The following SEPTIN10 variants were observed in gnomAD, a reference collection of about 807,000 sequenced individuals.
The protein encoded by SEPTIN10 is septin 10, also known as septin-10.
Under a neutral mutation model 54.8 loss-of-function variants are expected in SEPTIN10, and 66 were observed. The ratio of observed to expected loss-of-function variants is 1.21; its 90% CI spans 0.99 to 1.48. The LOEUF (loss-of-function observed/expected upper bound fraction) is 1.48. Among genes scored for constraint, SEPTIN10 ranks in the 40% most tolerant of loss-of-function variants. SEPTIN10 has a pLI of 0.00. For synonymous variants in SEPTIN10, 161 were observed against 181.0 expected (o/e 0.89, Z 0.89); for missense variants, 620 against 545.6 (o/e 1.14, Z -1.36).
intron 1 of SEPTIN10, among the ~76,000 whole-genome samples, chr2:109,603,436 T>A (rs1697118682): frequency 6.6e-6 from 1 of 152,062 alleles, no homozygotes; most frequent in Non-Finnish European, 1.5e-5. Context: ...AGATGGGGTT[T>A]CACCCTGTTA....
chr2:109,549,354 T>C (rs1237189380), intron 9 of SEPTIN10, among the ~76,000 whole-genome samples: 1 of 152,212 alleles, frequency 6.6e-6, no homozygotes, highest in Non-Finnish European at 1.5e-5. Context: ...CAGCACTTTA[T>C]ACATCATTCA....
At chr2:109,559,416 C>A (rs1317899855) in intron 8 of SEPTIN10, among the ~76,000 whole-genome samples, 6 of 152,130 alleles carry the variant, frequency 3.9e-5, no homozygotes, top group Non-Finnish European at 7.4e-5. Context: ...CCTAAACTTA[C>A]TGAGTTTCTT....
chr2:109,595,241 G>C (rs1346332230), intron 1 of SEPTIN10, among the ~76,000 whole-genome samples: 1 of 152,192 alleles, frequency 6.6e-6, no homozygotes, highest in Non-Finnish European at 1.5e-5. Flanking sequence ...TTGTCAGTTG[G>C]AAGATGCTCC....
rs1680509418 is a variant in SEPTIN10 at position 109,543,883 on chromosome 2, G to A, written c.*426C>T. 2.6e-6 allele frequency: 1 copy of A among 391,458 alleles called. No homozygotes were observed. Among genetic ancestry groups the A allele is most frequent in the East Asian group, 4.7e-5 (1 of 21,118 alleles). The allele number at this position is 391,458 out of a possible 1,614,324, so 24.2% of individuals were successfully genotyped here. On this transcript the variant is annotated 3_prime_UTR_variant, in exon 11 of 11. Coordinates refer to ENST00000397712, the MANE Select transcript of SEPTIN10 (RefSeq NM_144710.5). ...TTTGGAATATCTGCATATACACAAC[G>A]GGACCCGACTCTAATTACATAATTC...
intron 1 of SEPTIN10, among the ~76,000 whole-genome samples, chr2:109,597,326 G>A (rs1036844022): frequency 2.0e-5 from 3 of 152,222 alleles, no homozygotes; most frequent in Admixed American, 6.5e-5. Context: ...AGAGCTCTGT[G>A]TAGGGCTAAG....
chr2:109,610,645 G>A (rs1298134132), intron 1 of SEPTIN10, among the ~76,000 whole-genome samples: 1 of 152,142 alleles, frequency 6.6e-6, no homozygotes, highest in African/African-American at 2.4e-5. Context: ...GAACCAGGGA[G>A]GTGGAGGCTG....
At chr2:109,572,132 CT>C (rs529763068) in intron 5 of SEPTIN10, among the ~76,000 whole-genome samples, 39 of 151,316 alleles carry the variant, frequency 2.6e-4, no homozygotes, top group East Asian at 1.4e-3. Context: ...CTCCCCACCT[CT>C]TTTTTTTTGT....
At chr2:109,588,305 G>A (rs1693061221) in intron 2 of SEPTIN10, among the ~76,000 whole-genome samples, 1 of 152,134 alleles carries the variant, frequency 6.6e-6, no homozygotes, top group South Asian at 2.1e-4. Flanking sequence ...AAGATCATCA[G>A]AAAGGTAAAT....
intron 1 of SEPTIN10, among the ~76,000 whole-genome samples, chr2:109,607,098 C>T (rs1249261322): frequency 6.6e-6 from 1 of 152,168 alleles, no homozygotes; most frequent in African/African-American, 2.4e-5. Flanking sequence ...GCCATCGCTT[C>T]GTTTACTATT....
chr2:109,578,383 T>C (rs2105551720), intron 4 of SEPTIN10, among the ~76,000 whole-genome samples: 1 of 152,266 alleles, frequency 6.6e-6, no homozygotes, highest in African/African-American at 2.4e-5. Context: ...AATACTGACA[T>C]GGAAGCATTA....
At chr2:109,602,238 T>G (rs1454636802) in intron 1 of SEPTIN10, among the ~76,000 whole-genome samples, 1 of 152,144 alleles carries the variant, frequency 6.6e-6, no homozygotes, top group Non-Finnish European at 1.5e-5. Context: ...GAGAGAAAGT[T>G]TGTGATGTGA....
intron 1 of SEPTIN10, among the ~76,000 whole-genome samples, chr2:109,595,235 C>T (rs1558867330): frequency 1.3e-5 from 2 of 152,180 alleles, no homozygotes; most frequent in African/African-American, 2.4e-5. Flanking sequence ...TGACACTTGT[C>T]AGTTGGAAGA....
intron 4 of SEPTIN10, among the ~76,000 whole-genome samples, chr2:109,578,748 C>A (rs2105566582): frequency 6.6e-6 from 1 of 150,408 alleles, no homozygotes; most frequent in East Asian, 2.0e-4. Context: ...GCCTGGCCAA[C>A]AAAGTGAGAT....
In SEPTIN10 at chr2:109,565,933, A is replaced by T. The variant is rs1377686913; in HGVS notation, c.763-74T>A. 3.9e-6 allele frequency: 5 copies of T among 1,271,608 alleles called. No homozygotes were observed. The African/African-American group carries it at 7.4e-5, about 19-fold the overall frequency. 78.8% of individuals were successfully genotyped at this position (1,271,608 alleles called of 1,614,324 possible). On this transcript the variant is annotated intron_variant, in intron 6 of 10. Transcript: ENST00000397712. ...CTAGATAAAATAAATTTTATGTGAG[A>T]GAGAAGAGAATAATTAAATAACAAA... is the stretch of plus-strand genomic sequence containing the variant.
At chr2:109,580,204 A>G (rs1690769201) in intron 4 of SEPTIN10, among the ~76,000 whole-genome samples, 1 of 152,090 alleles carries the variant, frequency 6.6e-6, no homozygotes, top group South Asian at 2.1e-4. Context: ...AAAGAAAAAT[A>G]TAGCATAATA....
chr2:109,552,892 AAAG>A (rs750915674), intron 9 of SEPTIN10, 192 bp downstream of exon 9: 15 of 616,956 alleles, frequency 2.4e-5, no homozygotes, highest in Non-Finnish European at 4.0e-5. Context: ...CTTTAAAAAA[AAAG>A]AAGGCCAAAG....
At chr2:109,599,098 A>C (rs1223632073) in intron 1 of SEPTIN10, among the ~76,000 whole-genome samples, 1 of 152,112 alleles carries the variant, frequency 6.6e-6, no homozygotes, top group Non-Finnish European at 1.5e-5. Context: ...AGTAACATTC[A>C]GTTATTCAAG....
intron 1 of SEPTIN10, among the ~76,000 whole-genome samples, chr2:109,604,213 G>A (rs1391715120): frequency 6.7e-6 from 1 of 149,508 alleles, no homozygotes; most frequent in African/African-American, 2.5e-5. Context: ...GTGTGGTGGT[G>A]TGTGCCTGTA....
intron 8 of SEPTIN10, among the ~76,000 whole-genome samples, chr2:109,560,369 A>C (rs1685387938): frequency 1.3e-5 from 2 of 152,064 alleles, no homozygotes; most frequent in African/African-American, 4.8e-5. Flanking sequence ...CCCTCTGTCA[A>C]GTTCCAAGAC....
Sources: allele counts gnomAD v4.1 joint callset (sites outside exome capture counted in the v4.1 genomes callset), GRCh38; gene constraint gnomAD v4.1.1; transcripts MANE v1.5; gene names NCBI Gene and HGNC (gene_info 2026-07-23, HGNC 2026-07-21).